MFAP3L: variants seen among roughly 807,000 people sequenced by gnomAD.
The protein encoded by MFAP3L is microfibril associated protein 3 like.
Under a neutral mutation model 20.0 loss-of-function variants are expected in MFAP3L, and 5 were observed. The observed-to-expected ratio is 0.25, with a 90% CI of 0.13 to 0.53. The LOEUF is 0.53. Among genes scored for constraint, MFAP3L ranks in the 20% least tolerant of loss-of-function variants. MFAP3L has a pLI of 0.96. For missense variants in MFAP3L, 409 were observed against 527.5 expected (o/e 0.78, Z 2.20); for synonymous variants, 219 against 213.0 (o/e 1.03, Z -0.25).
intron 2 of MFAP3L, chr4:169,994,324 GT>G: frequency 1.0e-6 from 1 of 985,430 alleles, no homozygotes; most frequent in Non-Finnish European, 1.2e-6. Context: ...TTTTGGAACA[GT>G]TATCTGTAAA....
chr4:169,992,770 T>C lies in MFAP3L; in HGVS notation c.299-461A>G, dbSNP rs1329921805. ...TGGTTCTCTAACCTGCCAGTGAGCA[T>C]GCCTCCATTGAATATATGTTCACTG... On this transcript the variant is annotated intron_variant, in intron 2 of 2. Coordinates refer to ENST00000361618, the MANE Select transcript of MFAP3L (RefSeq NM_021647.8). This position sits in a 1 kb window ranked among gnomAD's most constrained non-coding sequence, Gnocchi z 4.3. Among the ~76,000 whole-genome samples, 1 of 152,372 alleles carries C rather than the reference T, an allele frequency of 6.6e-6. No homozygotes were observed. The highest frequency in any genetic ancestry group is 2.4e-5 in the African/African-American group (1 of 41,592).
intron 1 of MFAP3L, among the ~76,000 whole-genome samples, chr4:170,011,651 C>A (rs536412159): frequency 2.8e-4 from 42 of 152,240 alleles, no homozygotes; most frequent in African/African-American, 9.4e-4. Flanking sequence ...GGCCTTCCCC[C>A]TCTTGTCAGA....
At position 170,026,253 on chromosome 4, in the gene MFAP3L, C is replaced by G. The variant is rs1730401133; in HGVS notation, c.-153G>C. 1.0e-6 allele frequency: 1 copy of G among 984,618 alleles called. No homozygotes were observed. Among genetic ancestry groups the G allele is most frequent in the Non-Finnish European group, 1.2e-6 (1 of 829,698 alleles). 61.0% of individuals were successfully genotyped at this position (984,618 alleles called of 1,614,324 possible). ...GCTAACCTGACACCGCCGCGCCACTCAGGTGGCCGCCGTGCACCCCTCGCC... is the reference window on the plus strand; with the variant it reads ...GCTAACCTGACACCGCCGCGCCACTGAGGTGGCCGCCGTGCACCCCTCGCC... On this transcript the variant is annotated 5_prime_UTR_variant, in exon 1 of 3. Coordinates refer to ENST00000361618, the MANE Select transcript of MFAP3L (RefSeq NM_021647.8).
intron 1 of MFAP3L, among the ~76,000 whole-genome samples, chr4:170,012,773 T>C (rs192523520): frequency 6.6e-6 from 1 of 152,322 alleles, no homozygotes; most frequent in East Asian, 1.9e-4. Context: ...ACTTATTAAT[T>C]GTGTAGTGTT....
upstream of MFAP3L, chr4:170,027,079 T>A (rs1345037825): frequency 1.3e-5 from 2 of 152,130 alleles, no homozygotes; most frequent in African/African-American, 4.8e-5. Flanking sequence ...AAAATATTAT[T>A]TGTAATTTCC....
At chr4:170,027,267 A>G (rs963206889), upstream of MFAP3L, 1 of 140,116 alleles carries the variant, frequency 7.1e-6, no homozygotes, top group Non-Finnish European at 1.5e-5. Flanking sequence ...GAGACTCTCA[A>G]TTTCTGGGGC....
chr4:170,024,364 G>C (rs746128236), intron 1 of MFAP3L, among the ~76,000 whole-genome samples: 10 of 152,124 alleles, frequency 6.6e-5, no homozygotes, highest in Non-Finnish European at 1.5e-4. Context: ...AGTAAACTGA[G>C]GCCTTGCTGC....
At position 170,026,227 on chromosome 4, in the gene MFAP3L, C is replaced by A. The variant is rs1730399508; in HGVS notation, c.-134+7G>T. 3.0e-6 allele frequency: 3 copies of A among 984,626 alleles called. No individual in the cohort carries two copies. The highest frequency in any genetic ancestry group is 3.5e-5 in the African/African-American group (2 of 57,236). 61.0% of individuals were successfully genotyped at this position (984,626 alleles called of 1,614,324 possible). A position where few individuals can be genotyped will look rare whatever the true frequency, so the allele number is the denominator to read the frequency against. Reference sequence around the variant, plus strand: ...TCCGCCCCGGCCCGCCGGGGGCCCCCGCTAACCTGACACCGCCGCGCCACT... The same window carrying A: ...TCCGCCCCGGCCCGCCGGGGGCCCCAGCTAACCTGACACCGCCGCGCCACT... On this transcript the variant is annotated splice_region_variant and intron_variant, in intron 1 of 2. Coordinates refer to ENST00000361618, the MANE Select transcript of MFAP3L (RefSeq NM_021647.8).
At chr4:170,012,741 T>C (rs1210755569) in intron 1 of MFAP3L, among the ~76,000 whole-genome samples, 3 of 152,244 alleles carry the variant, frequency 2.0e-5, no homozygotes, top group African/African-American at 7.2e-5. Context: ...AGAGACCTCA[T>C]GGCATTCTTG....
intron 2 of MFAP3L, among the ~76,000 whole-genome samples, chr4:169,999,713 AAC>A (rs1458542948): frequency 6.6e-6 from 1 of 152,234 alleles, no homozygotes; most frequent in African/African-American, 2.4e-5. Flanking sequence ...TCACTGAAGA[AAC>A]ACACAAATGG....
chr4:170,026,014 G>A (rs1438690532), intron 1 of MFAP3L, among the ~76,000 whole-genome samples: 4 of 152,028 alleles, frequency 2.6e-5, no homozygotes, highest in Non-Finnish European at 5.9e-5. Flanking sequence ...TCCCCAAACG[G>A]CCAGCCCCCG....
intron 1 of MFAP3L, among the ~76,000 whole-genome samples, chr4:170,015,966 A>G (rs1739675499): frequency 6.6e-6 from 1 of 152,046 alleles, no homozygotes; most frequent in Non-Finnish European, 1.5e-5. Context: ...CCTTCATTTC[A>G]CTTGATAATT....
rs1481005570 is a variant in MFAP3L, at chr4:169,991,507, C to T, written c.1101G>A (p.Glu367=). The T allele has an allele frequency of 3.1e-6, 5 of 1,614,038 alleles. No individual in the cohort carries two copies. Among genetic ancestry groups the T allele is most frequent in the Admixed American group, 1.7e-5 (1 of 60,000 alleles). ...AEPSTDVTST[E]LTSEEPTPVE... ...CAGGTGTTGGCTCTTCAGATGTTAG[C>T]TCGGTGGACGTGACATCGGTAGAAG... The change falls in exon 3 of 3, where the codon GAG becomes GAA. Residue 367 remains glutamate (E), a synonymous_variant. Transcript: ENST00000361618. The surrounding 1 kb of genome is among the most constrained non-coding windows in gnomAD (Gnocchi z 4.9).
intron 1 of MFAP3L, among the ~76,000 whole-genome samples, chr4:170,020,449 A>G (rs1055177655): frequency 6.6e-6 from 1 of 152,080 alleles, no homozygotes; most frequent in African/African-American, 2.4e-5. Flanking sequence ...CCTGCCTCCA[A>G]TCCACATACC....
At chr4:170,014,057 TTCTTTGA>T (rs1380757714) in intron 1 of MFAP3L, among the ~76,000 whole-genome samples, 2 of 152,242 alleles carry the variant, frequency 1.3e-5, no homozygotes, top group Non-Finnish European at 1.5e-5. Flanking sequence ...ATTCACATTT[TTCTTTGA>T]TCTTTGACAC....
rs150283910 is a variant in MFAP3L at position 169,994,350 on chromosome 4, A to G, written c.299-2041T>C. 9.1e-6 allele frequency: 9 copies of G among 985,376 alleles called. No homozygotes were observed. In the African/African-American group the frequency reaches 1.6e-4, roughly 17 times the overall value. The allele number at this position is 985,376 out of a possible 1,614,324, so 61.0% of individuals were successfully genotyped here. ...TTATCTGTAAATATAAGGATAAAGT[A>G]GTCTGAACCTGGGTACAGAAGAGGA... On this transcript the variant is annotated intron_variant, in intron 2 of 2. Transcript: ENST00000361618.
At chr4:170,002,887 T>C (rs969146093) in intron 2 of MFAP3L, among the ~76,000 whole-genome samples, 5 of 151,868 alleles carry the variant, frequency 3.3e-5, no homozygotes, top group Non-Finnish European at 5.9e-5. Context: ...CACCGCTCCA[T>C]ATAAACTTCT....
chr4:169,992,176 G>C lies in MFAP3L; in HGVS notation c.432C>G (p.Phe144Leu). ...VNNTVTLRVIFTSGDMGVYYM... is the reference protein window; with the variant it reads ...VNNTVTLRVILTSGDMGVYYM... The stretch of plus-strand genomic sequence containing the variant: ...AGTAGACACCCATGTCTCCAGAAGT[G>C]AAGATGACGCGCAAGGTCACCGTGT... The change falls in exon 3 of 3, where the codon TTC (phenylalanine) becomes TTG (leucine). Residue 144 changes from phenylalanine to leucine, a missense_variant. Phe to Leu is a conservative substitution (Grantham distance 22). Around this residue, in one of 3 missense-constraint regions of MFAP3L, gnomAD observed 127 missense variants for 218.1 expected, o/e 0.58. Transcript: ENST00000361618. This position sits in a 1 kb window ranked among gnomAD's most constrained non-coding sequence, Gnocchi z 4.3. 6.2e-7 allele frequency: 1 copy of C among 1,614,202 alleles called. No individual in the cohort carries two copies. The highest frequency in any genetic ancestry group is 8.5e-7 in the Non-Finnish European group (1 of 1,180,036).
In MFAP3L at chr4:169,991,641, G is replaced by A. The variant is rs1390639442; in HGVS notation, c.967C>T (p.Pro323Ser). The change falls in exon 3 of 3, where the codon CCG becomes TCG. Residue 323 changes from proline (P) to serine (S), a missense_variant. Pro to Ser is a moderately conservative substitution (Grantham distance 74, BLOSUM62 -1). Around this residue, in one of 3 missense-constraint regions of MFAP3L, gnomAD observed 169 missense variants for 178.2 expected, o/e 0.95. Coordinates refer to ENST00000361618, the MANE Select transcript of MFAP3L (RefSeq NM_021647.8). This position sits in a 1 kb window ranked among gnomAD's most constrained non-coding sequence, Gnocchi z 4.9. ...TCTGCATGCTCTTTTTTGGACTGCGGGTGAACTGACACCTTGATGGCAATT... is the reference window on the plus strand; with the variant it reads ...TCTGCATGCTCTTTTTTGGACTGCGAGTGAACTGACACCTTGATGGCAATT... Reference protein sequence around the residue: ...QQIAIKVSVHPQSKKEHADDQ... With the variant: ...QQIAIKVSVHSQSKKEHADDQ... 1.2e-6 allele frequency: 2 copies of A among 1,614,054 alleles called. No individual in the cohort carries two copies. Among genetic ancestry groups the A allele is most frequent in the African/African-American group, 1.3e-5 (1 of 74,906 alleles).
Sources: allele counts gnomAD v4.1 joint callset (sites outside exome capture counted in the v4.1 genomes callset), GRCh38; gene constraint gnomAD v4.1.1; regional missense constraint gnomAD v4.1.1; non-coding constraint Gnocchi (gnomAD v3.1); transcripts MANE v1.5; gene names NCBI Gene and HGNC (gene_info 2026-07-23, HGNC 2026-07-21).